The following RAB11FIP2 variants were observed in gnomAD, a reference collection of about 807,000 sequenced individuals.
RAB11FIP2 encodes the protein RAB11 family interacting protein 2.
In RAB11FIP2, 16 loss-of-function variants were observed where a neutral mutation model predicts 40.9. The ratio of observed to expected loss-of-function variants is 0.39; its 90% CI spans 0.26 to 0.59. The LOEUF is 0.59. Ranked by LOEUF, RAB11FIP2 falls within the 20% of genes least tolerant of loss-of-function variation. The pLI is 0.53. For synonymous variants in RAB11FIP2, 228 were observed against 213.7 expected (o/e 1.07, Z -0.58); for missense variants, 532 against 606.2 (o/e 0.88, Z 1.28).
intron 3 of RAB11FIP2, among the ~76,000 whole-genome samples, chr10:118,031,326 A>T (rs1220651035): frequency 6.6e-6 from 1 of 152,152 alleles, no homozygotes; most frequent in African/African-American, 2.4e-5. Flanking sequence ...AGGATCATTT[A>T]TTTACTATAC....
In RAB11FIP2 at chr10:118,007,292, T is replaced by C. The variant is rs887953527; in HGVS notation, c.*1706A>G. 5.9e-5 allele frequency: 9 copies of C among 151,970 alleles called. No homozygotes were observed. Among genetic ancestry groups the C allele is most frequent in the African/African-American group, 1.7e-4 (7 of 41,436 alleles). 9.4% of individuals were successfully genotyped at this position (151,970 alleles called of 1,614,324 possible). A position where few individuals can be genotyped will look rare whatever the true frequency, so the allele number is the denominator to read the frequency against. ...AAAGCTATTTTTCCTTCTCCATTTC[T>C]TAAAGCATTTAATTTTTATGAAAAA... On this transcript the variant is annotated 3_prime_UTR_variant, in exon 5 of 5. Transcript: ENST00000355624.
chr10:118,032,913 C>T (rs999543463), intron 3 of RAB11FIP2, among the ~76,000 whole-genome samples: 1 of 152,020 alleles, frequency 6.6e-6, no homozygotes, highest in East Asian at 1.9e-4. Context: ...TGCAGTATTA[C>T]AGTGCTTGTG....
intron 3 of RAB11FIP2, among the ~76,000 whole-genome samples, chr10:118,016,138 A>G (rs1017156819): frequency 6.6e-6 from 1 of 152,204 alleles, no homozygotes; most frequent in African/African-American, 2.4e-5. Flanking sequence ...ACACATGTAC[A>G]ACCACCTCCA....
At chr10:118,028,492 C>T (rs1015367534) in intron 3 of RAB11FIP2, among the ~76,000 whole-genome samples, 1 of 152,054 alleles carries the variant, frequency 6.6e-6, no homozygotes, top group African/African-American at 2.4e-5. Flanking sequence ...ATTTGTATCA[C>T]CAGCAGCTAT....
At chr10:118,042,447 T>G (rs1162735879) in intron 1 of RAB11FIP2, among the ~76,000 whole-genome samples, 2 of 152,168 alleles carry the variant, frequency 1.3e-5, no homozygotes, top group African/African-American at 4.8e-5. Context: ...AAATCTAAAG[T>G]TGATGAATAA....
chr10:118,040,454 T>C lies in RAB11FIP2; in HGVS notation c.465A>G (p.Ser155=). The C allele has an allele frequency of 1.2e-6, 2 of 1,613,410 alleles. No individual in the cohort carries two copies. The highest frequency in any genetic ancestry group is 1.7e-6 in the Non-Finnish European group (2 of 1,179,376). ...AAGGAGATCTGGTTTTGTCCTTCAT[T>C]GATAAGTCAAACATACTTGCGGTCA... The part of the protein sequence containing the change: ...NNMTASMFDL[S]MKDKTRSPFA... Residue 155 remains serine (S), a synonymous_variant, in exon 2 of 5, where the codon TCA becomes TCG. Coordinates refer to ENST00000355624, the MANE Select transcript of RAB11FIP2 (RefSeq NM_014904.3).
rs867170168 is a variant in RAB11FIP2 at position 118,046,566 on chromosome 10, C to T, written c.-403G>A. ...GGCCTCCCGCCTGCCTCCTTGCGGCCGAGCAGCCTCCGCTGCCTCCGCGCC... is the reference window on the plus strand; with the variant it reads ...GGCCTCCCGCCTGCCTCCTTGCGGCTGAGCAGCCTCCGCTGCCTCCGCGCC... On this transcript the variant is annotated 5_prime_UTR_variant, in exon 1 of 5. Transcript: ENST00000355624. The T allele has an allele frequency of 1.9e-4, 31 of 163,578 alleles. No homozygotes were observed. The Middle Eastern group carries it at 0.02, about 104-fold the overall frequency. The allele number at this position is 163,578 out of a possible 1,614,324, so 10.1% of individuals were successfully genotyped here.
chr10:118,028,522 A>C (rs1846373222), intron 3 of RAB11FIP2, among the ~76,000 whole-genome samples: 1 of 152,122 alleles, frequency 6.6e-6, no homozygotes, highest in Non-Finnish European at 1.5e-5. Context: ...CTCCGCTACA[A>C]GGTAACTGTA....
chr10:118,018,891 CA>C lies in RAB11FIP2; in HGVS notation c.1266-3782del, dbSNP rs542143947. 3.0e-3 allele frequency among the ~76,000 whole-genome samples: 454 copies of C among 152,090 alleles called. 2 individuals carry two copies. The highest frequency in any genetic ancestry group is 3.4e-3 in the Middle Eastern group (1 of 294). On this transcript the variant is annotated intron_variant, in intron 3 of 4. Transcript: ENST00000355624. ...AATCACTACGGCATGTGGCAGAGAT[CA>C]AAGTGGGTTTTTTTTGTTTTTTTGT...
chr10:118,024,114 A>G (rs1846313358), intron 3 of RAB11FIP2, among the ~76,000 whole-genome samples: 1 of 151,812 alleles, frequency 6.6e-6, no homozygotes, highest in African/African-American at 2.4e-5. Context: ...AAAGAATAGA[A>G]TAGAAATAAT....
intron 3 of RAB11FIP2, among the ~76,000 whole-genome samples, chr10:118,023,624 G>A (rs1846307164): frequency 6.6e-6 from 1 of 152,100 alleles, no homozygotes; most frequent in African/African-American, 2.4e-5. Flanking sequence ...AAAAATTGTG[G>A]TCAGTGACAC....
chr10:118,037,165 T>A (rs936655977), intron 3 of RAB11FIP2, among the ~76,000 whole-genome samples: 5 of 152,250 alleles, frequency 3.3e-5, no homozygotes, highest in African/African-American at 1.2e-4. Flanking sequence ...TAAGATTTAA[T>A]GTAATATGTG....
intron 3 of RAB11FIP2, among the ~76,000 whole-genome samples, chr10:118,021,710 C>T (rs1341962160): frequency 6.6e-6 from 1 of 152,240 alleles, no homozygotes; most frequent in Non-Finnish European, 1.5e-5. Context: ...AACCTCTCAG[C>T]TCCATGTGAT....
intron 4 of RAB11FIP2, among the ~76,000 whole-genome samples, chr10:118,009,845 T>C (rs998374587): frequency 6.6e-6 from 1 of 152,134 alleles, no homozygotes. Flanking sequence ...GGTCTATTTC[T>C]TTCTCCTATA....
chr10:118,040,177 G>A lies in RAB11FIP2; in HGVS notation c.742C>T (p.Gln248Ter). 1 of 1,613,818 alleles carries A rather than the reference G, an allele frequency of 6.2e-7. No homozygotes were observed. The highest frequency in any genetic ancestry group is 8.5e-7 in the Non-Finnish European group (1 of 1,179,766). The stretch of plus-strand genomic sequence containing the variant: ...AACTGGTGTCCGAGAAGATGTGTTT[G>A]ACCTATGGTGCCAGCCTTCAGTTTC... ...SEKLKAGTIG[Q>*]THLLGHQLDS... The change falls in exon 2 of 5, where the codon CAA (glutamine) becomes TAA (stop). Residue 248 changes from glutamine (Q) to a stop codon, truncating the protein, a stop_gained. Transcript: ENST00000355624. LOFTEE classifies it high-confidence loss of function.
At chr10:118,040,036 T>C in intron 2 of RAB11FIP2, 87 bp downstream of exon 2, 1 of 1,305,678 alleles carries the variant, frequency 7.7e-7, no homozygotes, top group Non-Finnish European at 1.0e-6. Flanking sequence ...AAGCAACTGC[T>C]ATTTTGATTT....
Position 118,039,311 on chromosome 10 carries a change from G to A in RAB11FIP2, c.926C>T (p.Ala309Val), listed in dbSNP as rs779624033. 16 of 1,613,564 alleles carry A rather than the reference G, an allele frequency of 9.9e-6. No individual in the cohort carries two copies. The Admixed American group carries it at 2.0e-4, about 20-fold the overall frequency. Residue 309 changes from alanine (A) to valine (V), a missense_variant, in exon 3 of 5, where the codon GCT becomes GTT. Transcript: ENST00000355624. ...TGTTGCAAATTTTTGGGGTAATGAA[G>A]CAGTCACATTTGTAAATGGGTCATT... ...RQNDPFTNVT[A>V]SLPQKFATLP...
rs550055431 is a variant in RAB11FIP2, at chr10:118,005,592, C to A, written c.*3406G>T. On this transcript the variant is annotated 3_prime_UTR_variant, in exon 5 of 5. Coordinates refer to ENST00000355624, the MANE Select transcript of RAB11FIP2 (RefSeq NM_014904.3). ...ATCATACTTCACTTACACATACACA[C>A]AAGTGACACCTACCACCTACAAGAC... The A allele has an allele frequency of 3.5e-4, 54 of 152,306 alleles. No homozygotes were observed. The highest frequency in any genetic ancestry group is 1.2e-3 in the African/African-American group (50 of 41,546). The allele number at this position is 152,306 out of a possible 1,614,324, so 9.4% of individuals were successfully genotyped here.
At chr10:118,009,587 CTGTA>C (rs2133159949) in intron 4 of RAB11FIP2, among the ~76,000 whole-genome samples, 2 of 152,236 alleles carry the variant, frequency 1.3e-5, no homozygotes, top group South Asian at 4.1e-4. Context: ...CTCAGAGGAA[CTGTA>C]AGAAGTAACT....
Sources: allele counts gnomAD v4.1 joint callset (sites outside exome capture counted in the v4.1 genomes callset), GRCh38; gene constraint gnomAD v4.1.1; transcripts MANE v1.5; gene names NCBI Gene and HGNC (gene_info 2026-07-23, HGNC 2026-07-21).